OTOG: variants seen among roughly 807,000 people sequenced by gnomAD.
The protein encoded by OTOG is otogelin.
In OTOG, 296 loss-of-function variants were observed where a neutral mutation model predicts 313.8. The observed-to-expected ratio is 0.94, with a 90% CI of 0.86 to 1.04. The LOEUF (loss-of-function observed/expected upper bound fraction) is 1.04. Among genes scored for constraint, OTOG ranks in the 50% least tolerant of loss-of-function variants. OTOG has a pLI of 0.00. For missense variants in OTOG, 3,948 were observed against 3,840.1 expected, an observed-to-expected ratio of 1.03 and a Z score of -0.74; for synonymous variants, 1,533 against 1,554.9, an observed-to-expected ratio of 0.99 and a Z score of 0.33.
At chr11:17,601,352 G>A (rs1254165694) in intron 31 of OTOG, among the ~76,000 whole-genome samples, 1 of 152,146 alleles carries the variant, frequency 6.6e-6, no homozygotes, top group Admixed American at 6.5e-5. Context: ...GTAGGCGTTT[G>A]TCAGGCACAA....
At chr11:17,597,762 C>G (rs1370897119) in intron 30 of OTOG, among the ~76,000 whole-genome samples, 1 of 152,132 alleles carries the variant, frequency 6.6e-6, no homozygotes, top group Non-Finnish European at 1.5e-5. Flanking sequence ...AAGGATTTTC[C>G]TCGTGCAAGC....
In OTOG at chr11:17,599,687, C is replaced by T. The variant is rs1565111046; in HGVS notation, c.3699C>T (p.Phe1233=). ...TPRLCPYDCD[F]FNKVLGKGPY... is the part of the protein sequence containing the mutation. ...CTCTTTCAGCGTATGACTGTGACTT[C>T]TTTAACAAAGGTAAGCCCCTCCTCC... Residue 1233 remains phenylalanine, a synonymous_variant, in exon 31 of 56, where the codon TTC becomes TTT. Coordinates refer to ENST00000399397, the MANE Select transcript of OTOG (RefSeq NM_001292063.2). 3.2e-6 allele frequency: 5 copies of T among 1,550,588 alleles called. No individual in the cohort carries two copies. In the South Asian group the frequency reaches 5.9e-5, roughly 18 times the overall value.
At chr11:17,619,729 T>C (rs939610365) in intron 39 of OTOG, among the ~76,000 whole-genome samples, 2 of 152,222 alleles carry the variant, frequency 1.3e-5, no homozygotes, top group African/African-American at 4.8e-5. Flanking sequence ...CTTCTATAAT[T>C]ATTATAAACT....
Position 17,613,178 on chromosome 11 carries a change from CTTTCTTTCTTTCTTTCTTTTCTT to C in OTOG, c.6438+415_6439-410del, listed in dbSNP as rs1258436258. 3.6e-3 allele frequency among the ~76,000 whole-genome samples: 362 copies of C among 99,550 alleles called. 3 individuals are homozygous for C. Among genetic ancestry groups the C allele is most frequent in the African/African-American group, 0.016 (352 of 21,478 alleles). 65.3% of individuals were successfully genotyped at this position (99,550 alleles called of 152,430 possible). ...TTCTCTTCTCTTCTCCCTTTTCTTT[CTTTCTTTCTTTCTTTCTTTTCTT>C]TCTTTCTTTCTTTCTTTCTTTCTTT... is the stretch of plus-strand genomic sequence containing the variant. On this transcript the variant is annotated intron_variant, in intron 38 of 55. Transcript: ENST00000399397.
Position 17,633,732 on chromosome 11 carries a change from G to A in OTOG, c.7125G>A (p.Glu2375=). ...ACCAGGCATGTGTGACAGCCTGTGA[G>A]CCACCCAAGACATGCCAGGATGGGA... ...STYQACVTAC[E]PPKTCQDGIL... is the part of the protein sequence containing the mutation. The change falls in exon 43 of 56, where the codon GAG becomes GAA. Residue 2375 remains glutamate (E), a synonymous_variant. Transcript: ENST00000399397. The A allele has an allele frequency of 1.3e-6, 2 of 1,550,008 alleles. No homozygotes were observed. Among genetic ancestry groups the A allele is most frequent in the South Asian group, 1.2e-5 (1 of 83,952 alleles).
rs149372486 is a variant in OTOG at position 17,609,926 on chromosome 11, C to T, written c.4626C>T (p.Pro1542=). The T allele has an allele frequency of 7.1e-5, 109 of 1,528,896 alleles. No homozygotes were observed. Among genetic ancestry groups the T allele is most frequent in the Middle Eastern group, 3.4e-4 (2 of 5,870 alleles). The allele number at this position is 1,528,896 out of a possible 1,614,324, so 94.7% of individuals were successfully genotyped here. A position where few individuals can be genotyped will look rare whatever the true frequency, so the allele number is the denominator to read the frequency against. Residue 1542 remains proline, a synonymous_variant, in exon 36 of 56, where the codon CCC becomes CCT. Coordinates refer to ENST00000399397, the MANE Select transcript of OTOG (RefSeq NM_001292063.2). ...QPLELTASQL[P]AGPTESPASK... ...TGGAGCTCACTGCATCTCAACTCCC[C>T]GCCGGCCCCACGGAGTCCCCAGCCA... is the stretch of plus-strand genomic sequence containing the variant.
chr11:17,598,838 C>G (rs1268512755), intron 30 of OTOG, among the ~76,000 whole-genome samples: 1 of 152,202 alleles, frequency 6.6e-6, no homozygotes, highest in Non-Finnish European at 1.5e-5. Context: ...AGGCACGTGC[C>G]CCTAGCCACA....
intron 24 of OTOG, among the ~76,000 whole-genome samples, chr11:17,588,806 G>A (rs943955064): frequency 2.3e-4 from 35 of 151,984 alleles, no homozygotes; most frequent in African/African-American, 8.2e-4. Flanking sequence ...TCATCTTGTA[G>A]ATCTTGCCGT....
chr11:17,621,996 C>T (rs924935034), intron 39 of OTOG, among the ~76,000 whole-genome samples: 19 of 152,224 alleles, frequency 1.2e-4, no homozygotes, highest in African/African-American at 2.9e-4. Context: ...TGAATGCAGG[C>T]GAGGCTCCTC....
chr11:17,553,444 C>G lies in OTOG; in HGVS notation c.465C>G (p.Tyr155Ter). 2.0e-6 allele frequency: 3 copies of G among 1,472,426 alleles called. No homozygotes were observed. Among genetic ancestry groups the G allele is most frequent in the Non-Finnish European group, 2.7e-6 (3 of 1,110,250 alleles). 91.2% of individuals were successfully genotyped at this position (1,472,426 alleles called of 1,614,324 possible). A position where few individuals can be genotyped will look rare whatever the true frequency, so the allele number is the denominator to read the frequency against. ...QHHVETFDGL[Y>*]YYLSGKGSYT... Reference sequence around the variant, plus strand: ...ACGTGGAGACATTTGATGGGCTCTACTACTACCTCTCCGGAAAGGGCAGCT... The same window carrying G: ...ACGTGGAGACATTTGATGGGCTCTAGTACTACCTCTCCGGAAAGGGCAGCT... Residue 155 changes from tyrosine to a stop codon, truncating the protein, a stop_gained, in exon 6 of 56, where the codon TAC (tyrosine) becomes TAG (stop). Transcript: ENST00000399397. LOFTEE classifies it high-confidence loss of function.
At position 17,547,445 on chromosome 11, in the gene OTOG, T is replaced by A. The variant is rs1440837383; in HGVS notation, c.73T>A (p.Ser25Thr). 7.2e-7 allele frequency: 1 copy of A among 1,382,074 alleles called. No individual in the cohort carries two copies. Among genetic ancestry groups the A allele is most frequent in the East Asian group, 2.9e-5 (1 of 33,906 alleles). The allele number at this position is 1,382,074 out of a possible 1,614,324, so 85.6% of individuals were successfully genotyped here. Residue 25 changes from serine to threonine, a missense_variant, in exon 1 of 56, where the codon TCC becomes ACC. Ser to Thr is a moderately conservative substitution (Grantham distance 58). Coordinates refer to ENST00000399397, the MANE Select transcript of OTOG (RefSeq NM_001292063.2). ...WLPWGEQAAE[S>T]LRVQRLAAAP... ...GCCCTGGGGTGAGCAGGCAGCCGAG[T>A]CCCTGCGGGTGCAGCGCCTCGGTGA...
At chr11:17,604,409 A>G (rs2134078766) in intron 32 of OTOG, among the ~76,000 whole-genome samples, 1 of 152,298 alleles carries the variant, frequency 6.6e-6, no homozygotes, top group South Asian at 2.1e-4. Context: ...GCTGGGACTC[A>G]GTGCCCTACC....
chr11:17,625,264 G>C (rs1277530594), intron 39 of OTOG, among the ~76,000 whole-genome samples: 1 of 152,156 alleles, frequency 6.6e-6, no homozygotes, highest in Non-Finnish European at 1.5e-5. Context: ...TCCAGGTTTT[G>C]TCCATTCAGT....
intron 39 of OTOG, among the ~76,000 whole-genome samples, chr11:17,615,886 C>A (rs907411477): frequency 2.0e-5 from 3 of 152,054 alleles, no homozygotes; most frequent in Non-Finnish European, 4.4e-5. Context: ...TGAGATTGCA[C>A]CATTGCACTC....
At chr11:17,603,898 G>T (rs1206862683) in intron 32 of OTOG, among the ~76,000 whole-genome samples, 1 of 152,142 alleles carries the variant, frequency 6.6e-6, no homozygotes, top group African/African-American at 2.4e-5. Flanking sequence ...TGGTGGGGAG[G>T]TTACTTATTT....
At chr11:17,588,629 T>C (rs979789448) in intron 24 of OTOG, among the ~76,000 whole-genome samples, 3 of 152,126 alleles carry the variant, frequency 2.0e-5, no homozygotes, top group Admixed American at 6.5e-5. Flanking sequence ...CCCCTTTACT[T>C]CTAAAGATTT....
At chr11:17,632,067 C>T (rs1854142216) in intron 41 of OTOG, 21 bp from the exon 42 acceptor site, 3 of 1,549,368 alleles carry the variant, frequency 1.9e-6, no homozygotes, top group Non-Finnish European at 2.6e-6. Context: ...GTAACCAGCA[C>T]TGCCTGATGC....
At position 17,629,323 on chromosome 11, in the gene OTOG, T is replaced by A; in HGVS notation, c.6712+7T>A. On this transcript the variant is annotated splice_region_variant and intron_variant, in intron 40 of 55. Coordinates refer to ENST00000399397, the MANE Select transcript of OTOG (RefSeq NM_001292063.2). ...CAGGGCCATGGCCTGTGCGGTGAGGTGGAACCCAGCTTGCGGGGAGGGGAT... is the reference window on the plus strand; with the variant it reads ...CAGGGCCATGGCCTGTGCGGTGAGGAGGAACCCAGCTTGCGGGGAGGGGAT... 1.3e-6 allele frequency: 2 copies of A among 1,542,500 alleles called. No homozygotes were observed. The highest frequency in any genetic ancestry group is 1.8e-4 in the Middle Eastern group (1 of 5,600).
chr11:17,593,148 C>T, intron 25 of OTOG, 45 bp from the exon 26 acceptor site: 1 of 1,520,824 alleles, frequency 6.6e-7, no homozygotes, highest in Non-Finnish European at 8.9e-7. Flanking sequence ...TTGGCAGGAT[C>T]TCCTTTCTCC....
Sources: allele counts gnomAD v4.1 joint callset (sites outside exome capture counted in the v4.1 genomes callset), GRCh38; gene constraint gnomAD v4.1.1; transcripts MANE v1.5; gene names NCBI Gene and HGNC (gene_info 2026-07-23, HGNC 2026-07-21).